GLRA3: variants seen among roughly 807,000 people sequenced by gnomAD.
The protein encoded by GLRA3 is glycine receptor subunit alpha-3.
In GLRA3, 44 loss-of-function variants were observed where a neutral mutation model predicts 60.4. That is an observed-to-expected ratio of 0.73 (90% confidence interval 0.57 to 0.94). GLRA3 has a LOEUF of 0.94. GLRA3 is among the 40% of genes least tolerant of loss of function. GLRA3 has a pLI of 0.00. For missense variants in GLRA3, 508 were observed against 564.6 expected (o/e 0.90, Z 1.02); for synonymous variants, 223 against 192.9 (o/e 1.16, Z -1.29).
At chr4:174,689,752 G>A (rs9996536) in intron 5 of GLRA3, among the ~76,000 whole-genome samples, 17,400 of 75,438 alleles carry the variant, frequency 0.23, 1,793 homozygotes, top group East Asian at 0.42. Context: ...GTGGTAAGTC[G>A]CATTAAAAAA....
intron 3 of GLRA3, among the ~76,000 whole-genome samples, chr4:174,751,780 G>A (rs1579551641): frequency 6.6e-6 from 1 of 151,894 alleles, no homozygotes; most frequent in Non-Finnish European, 1.5e-5. Context: ...TGGTTCCTGA[G>A]GGAGCAAAAA....
chr4:174,657,429 G>A (rs1561036102), intron 8 of GLRA3, among the ~76,000 whole-genome samples: 2 of 152,098 alleles, frequency 1.3e-5, no homozygotes, highest in Admixed American at 6.6e-5. Context: ...AAGGAAAAAG[G>A]TAAAGAAATG....
chr4:174,729,316 C>A (rs911170307), intron 3 of GLRA3, among the ~76,000 whole-genome samples: 2 of 152,138 alleles, frequency 1.3e-5, no homozygotes, highest in Admixed American at 6.6e-5. Flanking sequence ...TTCTTAAAAG[C>A]TCTCTGTGTT....
At chr4:174,652,169 C>T (rs1181606833) in intron 9 of GLRA3, among the ~76,000 whole-genome samples, 1 of 151,898 alleles carries the variant, frequency 6.6e-6, no homozygotes. Context: ...ATAAATTATC[C>T]TGTGTTTATG....
At chr4:174,699,583 C>A (rs1466338965) in intron 5 of GLRA3, among the ~76,000 whole-genome samples, 1 of 152,046 alleles carries the variant, frequency 6.6e-6, no homozygotes, top group African/African-American at 2.4e-5. Context: ...ATGAGGACTA[C>A]TGTAATAATA....
intron 1 of GLRA3, among the ~76,000 whole-genome samples, chr4:174,821,664 G>T (rs1298401630): frequency 6.6e-6 from 1 of 151,992 alleles, no homozygotes; most frequent in Non-Finnish European, 1.5e-5. Context: ...AGGCAATAAT[G>T]AAAAAAGTTG....
intron 9 of GLRA3, among the ~76,000 whole-genome samples, chr4:174,654,460 C>T (rs377578151): frequency 6.6e-6 from 1 of 152,158 alleles, no homozygotes; most frequent in East Asian, 1.9e-4. Context: ...ATAAACTTGG[C>T]TAGGATTTCT....
chr4:174,660,450 T>C (rs1011236031), intron 7 of GLRA3, among the ~76,000 whole-genome samples: 10 of 151,666 alleles, frequency 6.6e-5, no homozygotes, highest in African/African-American at 2.2e-4. Context: ...ATGATGGATT[T>C]TTAGTAGGAA....
In GLRA3 at chr4:174,761,120, T is replaced by G. The variant is rs1249826083; in HGVS notation, c.267+5843A>C. ...TTTAATTTCTTAAGATGGTGATAGT[T>G]TTTTTTAGTGTTACTTATAATCCAT... On this transcript the variant is annotated intron_variant, in intron 3 of 9. Coordinates refer to ENST00000274093, the MANE Select transcript of GLRA3 (RefSeq NM_006529.4). Among the ~76,000 whole-genome samples, 5 of 152,056 alleles carry G rather than the reference T, an allele frequency of 3.3e-5. No homozygotes were observed. The East Asian group carries it at 9.7e-4, about 29-fold the overall frequency.
intron 1 of GLRA3, among the ~76,000 whole-genome samples, chr4:174,811,097 TAAC>T (rs1226108924): frequency 6.7e-6 from 1 of 149,102 alleles, no homozygotes; most frequent in Non-Finnish European, 1.5e-5. Flanking sequence ...ACCACACACA[TAAC>T]ACACACACAC....
At chr4:174,780,767 T>C (rs546348428) in intron 2 of GLRA3, among the ~76,000 whole-genome samples, 2 of 151,994 alleles carry the variant, frequency 1.3e-5, no homozygotes, top group Non-Finnish European at 2.9e-5. Flanking sequence ...GAGCTAACTA[T>C]CCTAAATATA....
chr4:174,760,000 A>T (rs1448613650), intron 3 of GLRA3, among the ~76,000 whole-genome samples: 1 of 152,150 alleles, frequency 6.6e-6, no homozygotes, highest in Non-Finnish European at 1.5e-5. Context: ...ACAAGGTTAA[A>T]TTTTGTGAAT....
intron 5 of GLRA3, among the ~76,000 whole-genome samples, chr4:174,691,360 T>C (rs1734788910): frequency 6.6e-6 from 1 of 151,988 alleles, no homozygotes; most frequent in Non-Finnish European, 1.5e-5. Flanking sequence ...AAAGTGTCTG[T>C]TTGTCCCCTC....
chr4:174,689,647 C>T (rs1345463813), intron 5 of GLRA3, among the ~76,000 whole-genome samples: 1 of 149,916 alleles, frequency 6.7e-6, no homozygotes, highest in Non-Finnish European at 1.5e-5. Context: ...GCACTATCCA[C>T]CGTAGCAAAG....
chr4:174,734,196 A>G (rs1736677994), intron 3 of GLRA3, among the ~76,000 whole-genome samples: 2 of 152,238 alleles, frequency 1.3e-5, no homozygotes, highest in South Asian at 4.1e-4. Context: ...ATAATCAAGA[A>G]TGAAGCTCAG....
At position 174,791,580 on chromosome 4, in the gene GLRA3, T is replaced by C. The variant is rs1479854380; in HGVS notation, c.72-2637A>G. On this transcript the variant is annotated intron_variant, in intron 1 of 9. Transcript: ENST00000274093. Reference sequence around the variant, plus strand: ...CTCTATCTCATTATTTCCTTTTTGGTGGGACACTATCATACTTTCTTTTTA... The same window carrying C: ...CTCTATCTCATTATTTCCTTTTTGGCGGGACACTATCATACTTTCTTTTTA... 3.9e-5 allele frequency among the ~76,000 whole-genome samples: 6 copies of C among 152,318 alleles called. 1 individual carries two copies. Among genetic ancestry groups the C allele is most frequent in the South Asian group, 4.1e-4 (2 of 4,832 alleles).
intron 1 of GLRA3, among the ~76,000 whole-genome samples, chr4:174,799,331 G>T (rs534507969): frequency 6.6e-6 from 1 of 152,232 alleles, no homozygotes; most frequent in Admixed American, 6.5e-5. Flanking sequence ...AACTAGAAAA[G>T]GTTCTTTAAA....
rs553306775 is a variant in GLRA3 at position 174,689,756 on chromosome 4, T to TAAAAAAAAAAAAAAA, written c.575-6832_575-6818dup. Among the ~76,000 whole-genome samples, 28 of 39,536 alleles carry TAAAAAAAAAAAAAAA rather than the reference T, an allele frequency of 7.1e-4. 6 individuals are homozygous for TAAAAAAAAAAAAAAA. The highest frequency in any genetic ancestry group is 1.2e-3 in the Admixed American group (3 of 2,494). 25.9% of individuals were successfully genotyped at this position (39,536 alleles called of 152,430 possible). A position where few individuals can be genotyped will look rare whatever the true frequency, so the allele number is the denominator to read the frequency against. On this transcript the variant is annotated intron_variant, in intron 5 of 9. Transcript: ENST00000274093. The stretch of plus-strand genomic sequence containing the variant: ...AAAGGCACAGAGTGGTAAGTCGCAT[T>TAAAAAAAAAAAAAAA]AAAAAAAAAAAAAAAAAAAAAAAAA...
chr4:174,764,982 TA>T (rs1310656186), intron 3 of GLRA3, among the ~76,000 whole-genome samples: 1 of 152,058 alleles, frequency 6.6e-6, no homozygotes, highest in African/African-American at 2.4e-5. Context: ...ACTTCTGGGA[TA>T]TTTGAACAAT....
Sources: gnomAD v4.1 joint callset for allele counts (sites outside exome capture counted in the v4.1 genomes callset) on GRCh38, gnomAD v4.1.1 for gene constraint, MANE v1.5 for transcripts, NCBI Gene and HGNC (gene_info 2026-07-23, HGNC 2026-07-21) for gene names.